The following SV2C variants were observed in gnomAD, a reference collection of about 807,000 sequenced individuals.
The protein encoded by SV2C is synaptic vesicle glycoprotein 2C, also known as solute carrier family 22 member B3.
SV2C carries 49 observed loss-of-function variants against 79.7 expected under a neutral mutation model. The observed-to-expected ratio is 0.61, with a 90% CI of 0.49 to 0.78. SV2C has a LOEUF of 0.78. Ranked by LOEUF, SV2C falls within the 30% of genes least tolerant of loss-of-function variation. The probability of loss-of-function intolerance (pLI) is 0.00; values close to 1 mark genes in which losing one functional copy is unlikely to be tolerated. For missense variants in SV2C, 833 were observed against 912.9 expected, an observed-to-expected ratio of 0.91 and a Z score of 1.13; for synonymous variants, 334 against 333.2, an observed-to-expected ratio of 1.00 and a Z score of -0.03.
intron 2 of SV2C, among the ~76,000 whole-genome samples, chr5:76,172,513 C>A (rs1429151342): frequency 5.0e-3 from 379 of 75,890 alleles, no homozygotes; most frequent in African/African-American, 0.021. Context: ...GTGAGGAGCC[C>A]CTCTGCCCGG....
At chr5:76,075,800 TG>T in the SV2C span, 1 of 248,736 alleles carries the variant, frequency 4.0e-6, no homozygotes, top group Non-Finnish European at 8.6e-6. Context: ...GTGTCATGTC[TG>T]GTAGAAAAGG....
At chr5:76,342,031 G>C (rs949317442) in intron 12 of SV2C, among the ~76,000 whole-genome samples, 4 of 152,208 alleles carry the variant, frequency 2.6e-5, no homozygotes, top group African/African-American at 9.6e-5. Flanking sequence ...ACCCTGCTGT[G>C]ATTCTGCTTC....
chr5:76,017,668 C>G, the SV2C span, among the ~76,000 whole-genome samples: 1 of 152,144 alleles, frequency 6.6e-6, no homozygotes, highest in African/African-American at 2.4e-5. Context: ...CATTATTTAA[C>G]CAACACAAAA....
At chr5:76,302,664 A>G (rs1314843495) in intron 12 of SV2C, among the ~76,000 whole-genome samples, 9 of 151,784 alleles carry the variant, frequency 5.9e-5, no homozygotes, top group South Asian at 2.1e-4. Context: ...ATTGCTCCCA[A>G]TATGGAAACA....
intron 4 of SV2C, among the ~76,000 whole-genome samples, chr5:76,215,944 A>G (rs1433714052): frequency 6.6e-6 from 1 of 151,536 alleles, no homozygotes; most frequent in African/African-American, 2.4e-5. Context: ...CCTGAGCCTG[A>G]TGCTGTGAGA....
intron 4 of SV2C, among the ~76,000 whole-genome samples, chr5:76,222,461 T>G (rs1477869255): frequency 6.8e-6 from 1 of 146,190 alleles, no homozygotes. Context: ...GATTGGGGGG[T>G]GGGGGGTGTA....
the SV2C span, among the ~76,000 whole-genome samples, chr5:75,943,555 C>A: frequency 1.3e-5 from 2 of 152,126 alleles, no homozygotes; most frequent in South Asian, 4.1e-4. Flanking sequence ...AATCTATGAG[C>A]TCCCAAATCA....
the SV2C span, among the ~76,000 whole-genome samples, chr5:75,929,188 C>A: frequency 6.6e-6 from 1 of 152,032 alleles, no homozygotes; most frequent in African/African-American, 2.4e-5. Flanking sequence ...CCCCTGTGTC[C>A]AGGGTTGACT....
At chr5:76,006,963 G>A in the SV2C span, among the ~76,000 whole-genome samples, 17 of 152,034 alleles carry the variant, frequency 1.1e-4, no homozygotes, top group African/African-American at 4.1e-4. Context: ...CATGTCACAT[G>A]CTATGTGTAT....
chr5:76,148,006 A>T (rs1470999388), intron 2 of SV2C, among the ~76,000 whole-genome samples: 1 of 151,828 alleles, frequency 6.6e-6, no homozygotes, highest in African/African-American at 2.4e-5. Flanking sequence ...TCATTCTTTG[A>T]TGTTTCTGTG....
At chr5:76,263,738 G>A (rs61176487) in intron 4 of SV2C, among the ~76,000 whole-genome samples, 69 of 152,270 alleles carry the variant, frequency 4.5e-4, no homozygotes, top group Non-Finnish European at 5.0e-4. Flanking sequence ...AGTTTGGCTG[G>A]ATATGAAATT....
At chr5:76,115,156 A>C (rs2112148013) in intron 1 of SV2C, among the ~76,000 whole-genome samples, 1 of 152,278 alleles carries the variant, frequency 6.6e-6, no homozygotes, top group Admixed American at 6.5e-5. Flanking sequence ...TTTCTGTATA[A>C]ATTTAGGAAC....
chr5:76,300,665 C>A, intron 10 of SV2C, 64 bp from the exon 11 acceptor site: 1 of 1,526,882 alleles, frequency 6.5e-7, no homozygotes, highest in Non-Finnish European at 9.0e-7. Context: ...CCTCCATAGG[C>A]TTTCTTATAC....
the SV2C span, among the ~76,000 whole-genome samples, chr5:75,967,519 T>A: frequency 0.12 from 17,936 of 151,894 alleles, 3,059 homozygotes; most frequent in African/African-American, 0.38. Context: ...ACACCAGGAG[T>A]TTATATCCCG....
At chr5:76,293,498 A>G (rs1264861209) in intron 8 of SV2C, among the ~76,000 whole-genome samples, 1 of 152,212 alleles carries the variant, frequency 6.6e-6, no homozygotes, top group Non-Finnish European at 1.5e-5. Flanking sequence ...CAAATTAGCC[A>G]AAAGCCCTCC....
chr5:76,018,640 G>T, the SV2C span, among the ~76,000 whole-genome samples: 3 of 152,076 alleles, frequency 2.0e-5, no homozygotes, highest in Non-Finnish European at 4.4e-5. Flanking sequence ...TTTCAATAAT[G>T]TATCAATGGT....
the SV2C span, among the ~76,000 whole-genome samples, chr5:75,931,145 AAAC>A: frequency 1.3e-5 from 2 of 152,146 alleles, no homozygotes; most frequent in African/African-American, 4.8e-5. Flanking sequence ...AAAAAACAAA[AAAC>A]AATAATGAGC....
At chr5:76,217,161 T>C (rs1744927407) in intron 4 of SV2C, among the ~76,000 whole-genome samples, 1 of 152,192 alleles carries the variant, frequency 6.6e-6, no homozygotes, top group Non-Finnish European at 1.5e-5. Flanking sequence ...GCAGATGTTA[T>C]AGGGTCAAAC....
At chr5:76,245,922 G>GTGTGTGTATGTGTA (rs1745930474) in intron 4 of SV2C, among the ~76,000 whole-genome samples, 1 of 140,164 alleles carries the variant, frequency 7.1e-6, no homozygotes, top group African/African-American at 3.2e-5. Flanking sequence ...GTGTGTGTGT[G>GTGTGTGTATGTGTA]TGTGTGTGTG....
Sources: gnomAD v4.1 joint callset for allele counts (sites outside exome capture counted in the v4.1 genomes callset) on GRCh38, gnomAD v4.1.1 for gene constraint, MANE v1.5 for transcripts, NCBI Gene and HGNC (gene_info 2026-07-23, HGNC 2026-07-21) for gene names.